PTBP2: variants seen among roughly 807,000 people sequenced by gnomAD.
PTBP2 encodes polypyrimidine tract binding protein 2.
PTBP2 carries 13 observed loss-of-function variants against 61.4 expected under a neutral mutation model. The observed-to-expected ratio is 0.21, with a 90% CI of 0.14 to 0.34. The LOEUF is 0.34. Ranked by LOEUF, PTBP2 falls within the 10% of genes least tolerant of loss-of-function variation. PTBP2 has a pLI of 1.00. For synonymous variants in PTBP2, 215 were observed against 218.5 expected (o/e 0.98, Z 0.14); for missense variants, 405 against 642.6 (o/e 0.63, Z 4.00).
rs1441419042 is a variant in PTBP2, at chr1:96,762,011, C to A, written c.116-7692C>A. Among the ~76,000 whole-genome samples the A allele has an allele frequency of 2.6e-5, 4 of 151,192 alleles. 2 individuals are homozygous for A. The stretch of plus-strand genomic sequence containing the variant: ...CTTGCACCGCCCTTAATCCATTTAA[C>A]CCTGAGTGGACACAGCACATGTTTC... On this transcript the variant is annotated intron_variant, in intron 3 of 13. Transcript: ENST00000674951.
chr1:96,765,655 C>T (rs1213750563), intron 3 of PTBP2, among the ~76,000 whole-genome samples: 2 of 151,864 alleles, frequency 1.3e-5, no homozygotes, highest in Admixed American at 6.6e-5. Flanking sequence ...AGGTTGTAGT[C>T]AACCAAGATC....
rs766956651 is a variant in PTBP2 at position 96,785,055 on chromosome 1, A to G, written c.709-4A>G. The G allele has an allele frequency of 2.6e-6, 4 of 1,536,020 alleles. No individual in the cohort carries two copies. The Admixed American group carries it at 8.7e-5, about 33-fold the overall frequency. Reference sequence around the variant, plus strand: ...TTGCTGATATGCTTTATTCACTTTTACAGGCCCTAGATGGTCAGAATATTT... The same window carrying G: ...TTGCTGATATGCTTTATTCACTTTTGCAGGCCCTAGATGGTCAGAATATTT... On this transcript the variant is annotated splice_polypyrimidine_tract_variant and splice_region_variant and intron_variant, in intron 7 of 13. Transcript: ENST00000674951.
At chr1:96,740,663 T>A (rs989301115) in intron 2 of PTBP2, among the ~76,000 whole-genome samples, 1 of 152,150 alleles carries the variant, frequency 6.6e-6, no homozygotes, top group African/African-American at 2.4e-5. Flanking sequence ...TTACTACATG[T>A]TTATGTATTT....
At chr1:96,753,690 G>C (rs1301277685) in intron 3 of PTBP2, among the ~76,000 whole-genome samples, 1 of 152,084 alleles carries the variant, frequency 6.6e-6, no homozygotes, top group Non-Finnish European at 1.5e-5. Context: ...TAAAGGAAAA[G>C]ATTGAAATAA....
At chr1:96,786,955 A>G (rs191553121) in intron 8 of PTBP2, among the ~76,000 whole-genome samples, 3 of 152,282 alleles carry the variant, frequency 2.0e-5, no homozygotes, top group Admixed American at 2.0e-4. Context: ...GGATTCTTCT[A>G]GGGAATTTAT....
chr1:96,791,592 G>A (rs932556281), intron 8 of PTBP2, among the ~76,000 whole-genome samples: 1 of 152,026 alleles, frequency 6.6e-6, no homozygotes, highest in African/African-American at 2.4e-5. Flanking sequence ...GAGGAGAGGG[G>A]TTTTGAAGAT....
intron 2 of PTBP2, among the ~76,000 whole-genome samples, chr1:96,724,408 G>A (rs925190834): frequency 6.6e-6 from 1 of 151,692 alleles, no homozygotes; most frequent in African/African-American, 2.4e-5. Flanking sequence ...GCACCACCAC[G>A]CCCAGCTAAT....
chr1:96,727,820 A>G (rs1650796512), intron 2 of PTBP2, among the ~76,000 whole-genome samples: 2 of 151,864 alleles, frequency 1.3e-5, no homozygotes, highest in African/African-American at 2.4e-5. Context: ...ATTTTCTGCC[A>G]CTCATCTTCT....
At chr1:96,779,220 G>A (rs749329627) in intron 7 of PTBP2, among the ~76,000 whole-genome samples, 2 of 151,742 alleles carry the variant, frequency 1.3e-5, no homozygotes, top group Non-Finnish European at 2.9e-5. Flanking sequence ...CCTTTCACAT[G>A]CCCTGGCTAC....
At chr1:96,743,154 G>A (rs1043476378) in intron 2 of PTBP2, among the ~76,000 whole-genome samples, 1 of 152,024 alleles carries the variant, frequency 6.6e-6, no homozygotes, top group Non-Finnish European at 1.5e-5. Flanking sequence ...AGGCGTGGTG[G>A]GGGGCACCTG....
intron 3 of PTBP2, among the ~76,000 whole-genome samples, chr1:96,757,870 A>G (rs1017637317): frequency 8.5e-5 from 13 of 152,094 alleles, no homozygotes; most frequent in African/African-American, 3.1e-4. Flanking sequence ...CTGAATGAAA[A>G]TATATCAAAA....
At position 96,799,472 on chromosome 1, in the gene PTBP2, A is replaced by G. The variant is rs977098277; in HGVS notation, c.905-5328A>G. Among the ~76,000 whole-genome samples the G allele has an allele frequency of 7.3e-5, 11 of 151,406 alleles. No individual in the cohort carries two copies. In the East Asian group the frequency reaches 2.1e-3, roughly 30 times the overall value. ...CACCACGCCCAGCTAATTTTTTTGTATGTTTAGTAGAGATGGGGTTTCATC... is the reference window on the plus strand; with the variant it reads ...CACCACGCCCAGCTAATTTTTTTGTGTGTTTAGTAGAGATGGGGTTTCATC... On this transcript the variant is annotated intron_variant, in intron 8 of 13. Transcript: ENST00000674951.
chr1:96,806,597 CAA>C (rs2101208303), intron 10 of PTBP2, 145 bp downstream of exon 10: 2 of 933,384 alleles, frequency 2.1e-6, no homozygotes, highest in East Asian at 5.1e-5. Flanking sequence ...TCCATAGACA[CAA>C]AATTTGTTTT....
chr1:96,776,051 G>A (rs1206549061), intron 5 of PTBP2, among the ~76,000 whole-genome samples: 1 of 151,960 alleles, frequency 6.6e-6, no homozygotes, highest in Non-Finnish European at 1.5e-5. Context: ...AAAATAGACT[G>A]GGTGACAGAG....
intron 8 of PTBP2, among the ~76,000 whole-genome samples, chr1:96,785,857 G>A (rs150609163): frequency 1.2e-3 from 181 of 152,206 alleles, no homozygotes; most frequent in African/African-American, 4.3e-3. Flanking sequence ...ATGGACTTGA[G>A]CCACCTAATA....
At chr1:96,740,996 A>G (rs1347347114) in intron 2 of PTBP2, among the ~76,000 whole-genome samples, 1 of 151,990 alleles carries the variant, frequency 6.6e-6, no homozygotes, top group Non-Finnish European at 1.5e-5. Context: ...ATTGAATATT[A>G]ACATATTGCT....
intron 2 of PTBP2, among the ~76,000 whole-genome samples, chr1:96,748,449 TG>T (rs1424883781): frequency 6.6e-6 from 1 of 152,082 alleles, no homozygotes. Flanking sequence ...TTTTTTTAAG[TG>T]GTTTCTTTCT....
intron 3 of PTBP2, among the ~76,000 whole-genome samples, chr1:96,763,606 G>GA (rs1656298340): frequency 8.7e-6 from 1 of 115,010 alleles, no homozygotes; most frequent in African/African-American, 3.8e-5. Flanking sequence ...AGAGGAGGGA[G>GA]GGGGAGGGGG....
intron 2 of PTBP2, among the ~76,000 whole-genome samples, chr1:96,736,622 C>T (rs528831764): frequency 4.6e-5 from 7 of 152,172 alleles, no homozygotes; most frequent in East Asian, 3.9e-4. Context: ...ACATGTACAG[C>T]GGATAATATT....
Sources: gnomAD v4.1 joint callset for allele counts (sites outside exome capture counted in the v4.1 genomes callset) on GRCh38, gnomAD v4.1.1 for gene constraint, MANE v1.5 for transcripts, NCBI Gene and HGNC (gene_info 2026-07-23, HGNC 2026-07-21) for gene names.